Variants in NCK2 observed in about 807,000 individuals in gnomAD.
The protein encoded by NCK2 is cytoplasmic protein NCK2.
A neutral mutation model predicts 33.9 loss-of-function variants in NCK2; 16 were observed. The observed-to-expected ratio is 0.47, with a 90% CI of 0.32 to 0.72. The LOEUF (loss-of-function observed/expected upper bound fraction) is 0.72, where lower values mean the gene tolerates loss of function less well. Ranked by LOEUF, NCK2 falls within the 30% of genes least tolerant of loss-of-function variation. The pLI is 0.03. For missense variants in NCK2, 418 were observed against 537.3 expected (o/e 0.78, Z 2.19); for synonymous variants, 273 against 239.9 (o/e 1.14, Z -1.27).
intron 2 of NCK2, among the ~76,000 whole-genome samples, chr2:105,846,055 T>C (rs1304343110): frequency 1.3e-5 from 2 of 152,158 alleles, no homozygotes; most frequent in African/African-American, 4.8e-5. Flanking sequence ...TTATTAAATT[T>C]ATGTTGATTT....
intron 4 of NCK2, among the ~76,000 whole-genome samples, chr2:105,890,336 T>G (rs2104687853): frequency 6.6e-6 from 1 of 152,370 alleles, no homozygotes; most frequent in South Asian, 2.1e-4. Flanking sequence ...TAAAATTGGG[T>G]GTATCTTACA....
chr2:105,882,172 A>G (rs534151439), intron 4 of NCK2, 123 bp downstream of exon 4: 122 of 1,145,736 alleles, frequency 1.1e-4, no homozygotes, highest in South Asian at 1.3e-4. Context: ...ACGCAGATGA[A>G]TGCAATTTAG....
chr2:105,881,923 C>A lies in NCK2; in HGVS notation c.822C>A (p.Pro274=). 6.4e-7 allele frequency: 1 copy of A among 1,563,248 alleles called. No individual in the cohort carries two copies. Among genetic ancestry groups the A allele is most frequent in the South Asian group, 1.2e-5 (1 of 82,276 alleles). The change falls in exon 4 of 5, where the codon CCC becomes CCA. Residue 274 remains proline (P), a synonymous_variant. Coordinates refer to ENST00000233154, the MANE Select transcript of NCK2 (RefSeq NM_003581.5). ...AHAPQISYTG[P]SSSGRFAGRE... ...CCCCACAGATAAGCTACACCGGGCC[C>A]TCGTCCAGCGGGCGCTTCGCGGGCA...
intron 1 of NCK2, among the ~76,000 whole-genome samples, chr2:105,755,938 G>A (rs768212538): frequency 1.1e-4 from 17 of 152,208 alleles, no homozygotes; most frequent in Non-Finnish European, 2.4e-4. Flanking sequence ...AAACTCCTCA[G>A]GGGAGAGAGA....
chr2:105,746,002 A>G (rs377143797), intron 1 of NCK2: 14 of 152,358 alleles, frequency 9.2e-5, no homozygotes, highest in African/African-American at 3.4e-4. Context: ...ATCTCTGTGA[A>G]GGTCTGCGGT....
chr2:105,744,878 C>CGCCGCCGCCGCCGCCGCT (rs1235690958), upstream of NCK2: 1 of 160,946 alleles, frequency 6.2e-6, no homozygotes, highest in Non-Finnish European at 1.3e-5. Flanking sequence ...CCGCCGCCGC[C>CGCCGCCGCCGCCGCCGCT]GCCGCCGCCG....
intron 1 of NCK2, among the ~76,000 whole-genome samples, chr2:105,766,653 CTG>C (rs1359878008): frequency 1.3e-5 from 2 of 152,090 alleles, no homozygotes; most frequent in East Asian, 3.9e-4. Flanking sequence ...TGCTTTGTAT[CTG>C]TTGACTTGTC....
At chr2:105,855,928 G>A (rs1013075942) in intron 3 of NCK2, among the ~76,000 whole-genome samples, 1 of 149,276 alleles carries the variant, frequency 6.7e-6, no homozygotes, top group African/African-American at 2.5e-5. Flanking sequence ...TCCACCTCCT[G>A]GGTTCACACC....
At chr2:105,753,279 A>AGTT in intron 1 of NCK2, among the ~76,000 whole-genome samples, 1 of 152,176 alleles carries the variant, frequency 6.6e-6, no homozygotes, top group African/African-American at 2.4e-5. Flanking sequence ...CCTAATGAAT[A>AGTT]ACTGGTACCT....
intron 4 of NCK2, among the ~76,000 whole-genome samples, chr2:105,890,019 G>A (rs1377282078): frequency 2.6e-5 from 4 of 152,164 alleles, no homozygotes; most frequent in African/African-American, 7.2e-5. Flanking sequence ...ATGTAACGGT[G>A]TATGTTAGTA....
At chr2:105,807,207 G>A (rs559153968) in intron 1 of NCK2, among the ~76,000 whole-genome samples, 5 of 152,334 alleles carry the variant, frequency 3.3e-5, no homozygotes, top group African/African-American at 1.2e-4. Flanking sequence ...CTCACTCTGG[G>A]TGTTACTGTC....
chr2:105,790,976 C>T (rs1433222314), intron 1 of NCK2, among the ~76,000 whole-genome samples: 1 of 152,244 alleles, frequency 6.6e-6, no homozygotes, highest in East Asian at 1.9e-4. Flanking sequence ...GGGGAGTGCT[C>T]CTCGTGTTAG....
chr2:105,814,287 G>A (rs941251576), intron 1 of NCK2, among the ~76,000 whole-genome samples: 7 of 152,160 alleles, frequency 4.6e-5, no homozygotes, highest in Non-Finnish European at 7.3e-5. Flanking sequence ...GTTTGTCAGT[G>A]GAATGCTTTT....
chr2:105,835,042 G>T lies in NCK2; in HGVS notation c.-17+18429G>T, dbSNP rs1276130206. Among the ~76,000 whole-genome samples the T allele has an allele frequency of 2.6e-5, 4 of 151,902 alleles. No homozygotes were observed. The East Asian group carries it at 7.7e-4, about 29-fold the overall frequency. On this transcript the variant is annotated intron_variant, in intron 2 of 4. Coordinates refer to ENST00000233154, the MANE Select transcript of NCK2 (RefSeq NM_003581.5). ...TTGTAACTATGTTAAGTATTTTCTGGTTGCTTTGTATATCCTTTGTTTCTT... is the reference window on the plus strand; with the variant it reads ...TTGTAACTATGTTAAGTATTTTCTGTTTGCTTTGTATATCCTTTGTTTCTT...
At chr2:105,797,951 A>G (rs1445718900) in intron 1 of NCK2, among the ~76,000 whole-genome samples, 2 of 152,168 alleles carry the variant, frequency 1.3e-5, no homozygotes, top group Non-Finnish European at 2.9e-5. Context: ...GTCCCAAGTC[A>G]GGTTTGACTG....
At chr2:105,793,849 G>A (rs1690979360) in intron 1 of NCK2, among the ~76,000 whole-genome samples, 5 of 152,176 alleles carry the variant, frequency 3.3e-5, no homozygotes, top group African/African-American at 1.2e-4. Flanking sequence ...CCCCAGCTGG[G>A]GTCTGCGTGC....
chr2:105,761,903 C>T (rs1429206744), intron 1 of NCK2, among the ~76,000 whole-genome samples: 1 of 152,138 alleles, frequency 6.6e-6, no homozygotes. Flanking sequence ...GTGCGCTGAC[C>T]CTTTTGAACA....
At position 105,893,119 on chromosome 2, in the gene NCK2, G is replaced by C. The variant is rs371262662; in HGVS notation, c.1086G>C (p.Ala362=). 6.2e-7 allele frequency: 1 copy of C among 1,613,294 alleles called. No individual in the cohort carries two copies. Among genetic ancestry groups the C allele is most frequent in the Non-Finnish European group, 8.5e-7 (1 of 1,179,614 alleles). ...AGCTGGTGGAACACTACAAAAAGGC[G>C]CCCATCTTCACCAGCGAGCACGGGG... is the stretch of plus-strand genomic sequence containing the variant. ...MDELVEHYKK[A]PIFTSEHGEK... Residue 362 remains alanine, a synonymous_variant, in exon 5 of 5, where the codon GCG becomes GCC. Coordinates refer to ENST00000233154, the MANE Select transcript of NCK2 (RefSeq NM_003581.5).
intron 4 of NCK2, among the ~76,000 whole-genome samples, chr2:105,884,826 T>C (rs188826824): frequency 3.3e-5 from 5 of 152,292 alleles, no homozygotes; most frequent in Admixed American, 3.3e-4. Flanking sequence ...TCCTCTCTCA[T>C]CTACAATTGT....
Sources: gnomAD v4.1 joint callset for allele counts (sites outside exome capture counted in the v4.1 genomes callset) on GRCh38, gnomAD v4.1.1 for gene constraint, MANE v1.5 for transcripts, NCBI Gene and HGNC (gene_info 2026-07-23, HGNC 2026-07-21) for gene names.